Variants in USP32 observed in about 807,000 individuals in gnomAD.
USP32 encodes the protein ubiquitin carboxyl-terminal hydrolase 32.
In USP32, 59 loss-of-function variants were observed where a neutral mutation model predicts 204.8. The observed-to-expected ratio is 0.29, with a 90% CI of 0.23 to 0.36. The LOEUF is 0.36. Ranked by LOEUF, USP32 falls within the 10% of genes least tolerant of loss-of-function variation. The pLI is 1.00. For synonymous variants in USP32, 517 were observed against 678.4 expected (o/e 0.76, Z 3.70); for missense variants, 1,160 against 1,946.4 (o/e 0.60, Z 7.60).
intron 1 of USP32, among the ~76,000 whole-genome samples, chr17:60,411,957 G>A (rs2090022273): frequency 6.6e-6 from 1 of 151,998 alleles, no homozygotes; most frequent in African/African-American, 2.4e-5. Context: ...TGGTATATAA[G>A]TATCTGTTTG....
intron 2 of USP32, among the ~76,000 whole-genome samples, chr17:60,309,207 G>T (rs1598226685): frequency 6.6e-6 from 1 of 152,242 alleles, no homozygotes; most frequent in East Asian, 1.9e-4. Context: ...ACAACCTGTA[G>T]AATGGGAGAA....
intron 2 of USP32, among the ~76,000 whole-genome samples, chr17:60,334,117 C>T (rs1230260983): frequency 6.6e-6 from 1 of 152,132 alleles, no homozygotes. Flanking sequence ...ACCTCGAATA[C>T]TTACAGTACT....
chr17:60,291,163 A>G (rs1465724719), intron 4 of USP32, among the ~76,000 whole-genome samples: 1 of 152,232 alleles, frequency 6.6e-6, no homozygotes, highest in Non-Finnish European at 1.5e-5. Context: ...TCCAGGCTCC[A>G]AAGTTAGCAC....
At chr17:60,234,580 A>T (rs2085668069) in intron 12 of USP32, among the ~76,000 whole-genome samples, 3 of 151,138 alleles carry the variant, frequency 2.0e-5, no homozygotes, top group African/African-American at 7.3e-5. Flanking sequence ...ACAAAAAAAA[A>T]TTAGCCGGGC....
intron 1 of USP32, among the ~76,000 whole-genome samples, chr17:60,369,750 G>T (rs2089400873): frequency 6.6e-6 from 1 of 152,012 alleles, no homozygotes; most frequent in Admixed American, 6.6e-5. Context: ...TCTACACAAT[G>T]ATTTTTTTTT....
chr17:60,234,227 C>T (rs887942839), intron 12 of USP32, among the ~76,000 whole-genome samples: 1 of 151,588 alleles, frequency 6.6e-6, no homozygotes, highest in African/African-American at 2.4e-5. Flanking sequence ...CTTTCTCCTG[C>T]CTCACCCTCC....
upstream of USP32, among the ~76,000 whole-genome samples, chr17:60,397,109 G>C (rs887349231): frequency 3.0e-4 from 45 of 152,142 alleles, no homozygotes; most frequent in African/African-American, 1.0e-3. Context: ...ACAAGCTTGA[G>C]AATAAGTACA....
intron 27 of USP32, among the ~76,000 whole-genome samples, chr17:60,193,629 A>G (rs1369969693): frequency 6.6e-6 from 1 of 152,192 alleles, no homozygotes; most frequent in Admixed American, 6.5e-5. Context: ...GCTGAGTTCA[A>G]TAAAGCTGGG....
intron 18 of USP32, 97 bp downstream of exon 18, chr17:60,213,484 A>G (rs2085024671): frequency 3.5e-6 from 2 of 577,590 alleles, no homozygotes; most frequent in Admixed American, 7.1e-5. Context: ...TAATCAAATA[A>G]TAGTTGTTTT....
intron 11 of USP32, among the ~76,000 whole-genome samples, chr17:60,248,604 T>C (rs764400725): frequency 7.2e-5 from 11 of 152,246 alleles, no homozygotes; most frequent in South Asian, 2.1e-4. Context: ...TTTTGCTGAA[T>C]ATTTCTCTGT....
intron 12 of USP32, among the ~76,000 whole-genome samples, chr17:60,226,437 AAC>A (rs2085390532): frequency 3.9e-5 from 6 of 152,220 alleles, no homozygotes; most frequent in Non-Finnish European, 7.3e-5. Flanking sequence ...AGGTAGACAA[AAC>A]AGACTGTGAA....
rs1419561119 is a variant in USP32, at chr17:60,190,507, C to T, written c.3642+56G>A. 3.3e-6 allele frequency: 5 copies of T among 1,499,268 alleles called. No homozygotes were observed. The Admixed American group carries it at 7.7e-5, about 23-fold the overall frequency. The allele number at this position is 1,499,268 out of a possible 1,614,324, so 92.9% of individuals were successfully genotyped here. On this transcript the variant is annotated intron_variant, in intron 29 of 33. Coordinates refer to ENST00000300896, the MANE Select transcript of USP32 (RefSeq NM_032582.4). ...AAACAGAAATGGCATAATAGTTACA[C>T]TGGTGGAAATTTCTCATATAAAAAC...
chr17:60,339,370 G>A (rs908794432), intron 2 of USP32, among the ~76,000 whole-genome samples: 2 of 151,544 alleles, frequency 1.3e-5, no homozygotes, highest in African/African-American at 4.8e-5. Flanking sequence ...ATTACCTGAG[G>A]TCAGGAGTTT....
At chr17:60,221,539 C>T (rs2085247616) in intron 15 of USP32, among the ~76,000 whole-genome samples, 1 of 150,074 alleles carries the variant, frequency 6.7e-6, no homozygotes, top group Non-Finnish European at 1.5e-5. Flanking sequence ...GAATCTCGCT[C>T]TGTCACCCAG....
At chr17:60,414,631 G>C (rs2090046412) in intron 1 of USP32, among the ~76,000 whole-genome samples, 1 of 151,688 alleles carries the variant, frequency 6.6e-6, no homozygotes, top group South Asian at 2.1e-4. Context: ...GTTTTGCCAT[G>C]TTGGTCAGGT....
At chr17:60,304,026 A>G (rs1445897622) in intron 2 of USP32, among the ~76,000 whole-genome samples, 2 of 152,182 alleles carry the variant, frequency 1.3e-5, no homozygotes, top group African/African-American at 4.8e-5. Flanking sequence ...GGGGATTTTC[A>G]AAATGAATAG....
At chr17:60,208,572 A>T in intron 23 of USP32, 82 bp downstream of exon 23, 1 of 1,430,024 alleles carries the variant, frequency 7.0e-7, no homozygotes, top group Non-Finnish European at 9.2e-7. Flanking sequence ...TTGTAAACAA[A>T]TAACTATGCT....
In USP32 at chr17:60,212,007, T is replaced by C. The variant is rs201757409; in HGVS notation, c.2179+17A>G. ...CATTTAAAATAATCTCTTTAAAAAA[T>C]AATACTGGAGACTTACCCTTGTGTC... On this transcript the variant is annotated intron_variant, in intron 19 of 33. Coordinates refer to ENST00000300896, the MANE Select transcript of USP32 (RefSeq NM_032582.4). 3.9e-6 allele frequency: 6 copies of C among 1,530,208 alleles called. No individual in the cohort carries two copies. Among genetic ancestry groups the C allele is most frequent in the Non-Finnish European group, 3.6e-6 (4 of 1,119,432 alleles). 94.8% of individuals were successfully genotyped at this position (1,530,208 alleles called of 1,614,324 possible).
chr17:60,218,979 C>A (rs1055523184), intron 16 of USP32, among the ~76,000 whole-genome samples: 3 of 152,176 alleles, frequency 2.0e-5, no homozygotes, highest in African/African-American at 7.2e-5. Context: ...TAAAGTTTAA[C>A]CTTACAGAGA....
Sources: allele counts gnomAD v4.1 joint callset (sites outside exome capture counted in the v4.1 genomes callset), GRCh38; gene constraint gnomAD v4.1.1; transcripts MANE v1.5; gene names NCBI Gene and HGNC (gene_info 2026-07-23, HGNC 2026-07-21).